LNPEP: variants seen among roughly 807,000 people sequenced by gnomAD.
The protein encoded by LNPEP is leucyl and cystinyl aminopeptidase.
In LNPEP, 64 loss-of-function variants were observed where a neutral mutation model predicts 120.6. The observed-to-expected ratio is 0.53, with a 90% CI of 0.43 to 0.65. LNPEP has a LOEUF of 0.65. LNPEP is among the 30% of genes least tolerant of loss of function. LNPEP has a pLI of 0.00. For missense variants in LNPEP, 1,057 were observed against 1,200.0 expected, an observed-to-expected ratio of 0.88 and a Z score of 1.76; for synonymous variants, 435 against 425.4, an observed-to-expected ratio of 1.02 and a Z score of -0.28.
chr5:97,018,416 T>C (rs1342287911), intron 13 of LNPEP, among the ~76,000 whole-genome samples: 2 of 152,056 alleles, frequency 1.3e-5, no homozygotes, highest in Admixed American at 6.6e-5. Context: ...TGGGCAGATA[T>C]GTGTTTATTA....
At chr5:96,954,199 A>G (rs994052366) in intron 1 of LNPEP, among the ~76,000 whole-genome samples, 3 of 152,224 alleles carry the variant, frequency 2.0e-5, no homozygotes, top group Admixed American at 6.5e-5. Context: ...AATAAGACAT[A>G]TGGTAATCTG....
At chr5:96,951,759 A>T (rs898449714) in intron 1 of LNPEP, among the ~76,000 whole-genome samples, 28 of 148,342 alleles carry the variant, frequency 1.9e-4, no homozygotes, top group Non-Finnish European at 3.9e-4. Flanking sequence ...GTTAAGTTCA[A>T]TTTTTTTTTT....
chr5:96,996,628 AC>A, intron 7 of LNPEP, 125 bp downstream of exon 7: 1 of 603,634 alleles, frequency 1.7e-6, no homozygotes, highest in Non-Finnish European at 3.0e-6. Context: ...GCCAAACTTG[AC>A]TTTGGTTATT....
In LNPEP at chr5:96,993,000, A is replaced by G; in HGVS notation, c.1132-15A>G. On this transcript the variant is annotated splice_polypyrimidine_tract_variant and intron_variant, in intron 4 of 17. Transcript: ENST00000231368. ...TTGTACCTGTCCTTGCATCATACAT[A>G]ATGTTTTCCTTTAGGTTTCTATATA... 3 of 1,563,852 alleles carry G rather than the reference A, an allele frequency of 1.9e-6. No homozygotes were observed. In the South Asian group the frequency reaches 3.6e-5, roughly 19 times the overall value.
At chr5:96,993,756 C>T in intron 5 of LNPEP, 61 bp from the exon 6 acceptor site, 1 of 1,457,798 alleles carries the variant, frequency 6.9e-7, no homozygotes, top group Admixed American at 1.8e-5. Flanking sequence ...GAATAAAATA[C>T]TTTGAGTAGA....
At chr5:96,980,497 AT>A (rs1023894050) in intron 2 of LNPEP, among the ~76,000 whole-genome samples, 26 of 151,860 alleles carry the variant, frequency 1.7e-4, no homozygotes, top group African/African-American at 5.1e-4. Context: ...TCTGGTGTAA[AT>A]TTTTTTTAAG....
intron 1 of LNPEP, among the ~76,000 whole-genome samples, chr5:96,962,993 T>C (rs755643815): frequency 1.4e-4 from 22 of 152,126 alleles, no homozygotes; most frequent in Non-Finnish European, 2.4e-4. Context: ...GAGAAAAAGC[T>C]CACAGCTGCA....
At chr5:97,002,140 A>AAAAT (rs1180935858) in intron 8 of LNPEP, among the ~76,000 whole-genome samples, 22 of 152,070 alleles carry the variant, frequency 1.4e-4, no homozygotes, top group Non-Finnish European at 1.9e-4. Flanking sequence ...ACTTCATCTC[A>AAAAT]AAATAAATAA....
At position 97,008,662 on chromosome 5, in the gene LNPEP, C is replaced by T. The variant is rs1412847678; in HGVS notation, c.2035+2147C>T. Among the ~76,000 whole-genome samples, 396 of 85,424 alleles carry T rather than the reference C, an allele frequency of 4.6e-3. 4 individuals carry two copies. Among genetic ancestry groups the T allele is most frequent in the Middle Eastern group, 0.016 (1 of 62 alleles). The allele number at this position is 85,424 out of a possible 152,430, so 56.0% of individuals were successfully genotyped here. ...CCACCGCACCTGGCTCCTCTTTACT[C>T]TTTTTTTTTTTTTTTTTTTTGAGAC... On this transcript the variant is annotated intron_variant, in intron 11 of 17. Transcript: ENST00000231368.
At chr5:96,948,968 T>C (rs1380987823) in intron 1 of LNPEP, among the ~76,000 whole-genome samples, 11 of 152,236 alleles carry the variant, frequency 7.2e-5, no homozygotes. Context: ...TATCTTAATA[T>C]CTTTAGTTAA....
At chr5:97,013,940 A>G in intron 12 of LNPEP, 109 bp downstream of exon 12, 1 of 742,460 alleles carries the variant, frequency 1.3e-6, no homozygotes, top group Non-Finnish European at 2.1e-6. Context: ...TGGTTGGTAC[A>G]ATACATTTTG....
At chr5:96,993,306 A>G (rs755472269) in intron 5 of LNPEP, among the ~76,000 whole-genome samples, 171 bp downstream of exon 5, 9 of 31,968 alleles carry the variant, frequency 2.8e-4, no homozygotes, top group Non-Finnish European at 4.9e-4. Flanking sequence ...TTTCATGAAT[A>G]TATCTGAAGT....
rs1791525996 is a variant in LNPEP, at chr5:97,034,153, A to G, written c.*5620A>G. 1.3e-5 allele frequency: 2 copies of G among 152,024 alleles called. No homozygotes were observed. The highest frequency in any genetic ancestry group is 2.9e-5 in the Non-Finnish European group (2 of 67,986). 9.4% of individuals were successfully genotyped at this position (152,024 alleles called of 1,614,324 possible). A position where few individuals can be genotyped will look rare whatever the true frequency, so the allele number is the denominator to read the frequency against. On this transcript the variant is annotated 3_prime_UTR_variant, in exon 18 of 18. Transcript: ENST00000231368. ...CTGTAGGCAATAATTATAGAGTAGT[A>G]TAGATGGTTTTTCTTTTTTATCCAT...
chr5:97,006,221 C>T lies in LNPEP; in HGVS notation c.1934C>T (p.Pro645Leu), dbSNP rs1790778421. 3 of 1,602,536 alleles carry T rather than the reference C, an allele frequency of 1.9e-6. No individual in the cohort carries two copies. Among genetic ancestry groups the T allele is most frequent in the Non-Finnish European group, 2.6e-6 (3 of 1,176,074 alleles). Reference sequence around the variant, plus strand: ...TTAAATATGAAGCCTGAAATTCAGCCTTCAGATACAAGGTACATGCCCTCT... The same window carrying T: ...TTAAATATGAAGCCTGAAATTCAGCTTTCAGATACAAGGTACATGCCCTCT... ...FFLNMKPEIQ[P>L]SDTSYLWHIP... Residue 645 changes from proline (P) to leucine (L), a missense_variant, in exon 10 of 18, where the codon CCT becomes CTT. By Grantham distance (98) the Pro-to-Leu change is moderately conservative (BLOSUM62 -3). Coordinates refer to ENST00000231368, the MANE Select transcript of LNPEP (RefSeq NM_005575.3).
At position 96,994,465 on chromosome 5, in the gene LNPEP, A is replaced by AT. The variant is rs11343706; in HGVS notation, c.1407+509dup. ...CTCAAACTGTAGCTGTCAGGGCTGG[A>AT]TTTTTTTTTTTTTTTCATCTCCTGC... On this transcript the variant is annotated intron_variant, in intron 6 of 17. Transcript: ENST00000231368. 2.7e-3 allele frequency among the ~76,000 whole-genome samples: 394 copies of AT among 145,964 alleles called. 1 individual carries two copies. The highest frequency in any genetic ancestry group is 0.016 in the East Asian group (81 of 5,022).
rs764808344 is a variant in LNPEP, at chr5:97,015,090, C to A, written c.2371C>A (p.Leu791Met). The A allele has an allele frequency of 6.4e-7, 1 of 1,556,504 alleles. No homozygotes were observed. Among genetic ancestry groups the A allele is most frequent in the Non-Finnish European group, 8.7e-7 (1 of 1,154,894 alleles). Residue 791 changes from leucine to methionine, a missense_variant, in exon 13 of 18, where the codon CTG becomes ATG. Transcript: ENST00000231368. ...KLGYMDLASR[L>M]VTRVFKLLQN... ...GGGATACATGGATCTGGCCTCAAGA[C>A]TGGTGGTAAGTCTGCCTTTTTGCCA...
chr5:96,949,916 C>G (rs889080176), intron 1 of LNPEP, among the ~76,000 whole-genome samples: 1 of 152,172 alleles, frequency 6.6e-6, no homozygotes, highest in East Asian at 1.9e-4. Context: ...TCCTTCCGTC[C>G]TCCTTCCCTC....
intron 4 of LNPEP, among the ~76,000 whole-genome samples, chr5:96,992,354 C>T (rs941317126): frequency 4.6e-5 from 7 of 152,012 alleles, no homozygotes; most frequent in Admixed American, 1.3e-4. Context: ...TACAACATGA[C>T]CCTTAAAAAC....
rs758559952 is a variant in LNPEP at position 97,036,783 on chromosome 5, T to C, written c.*8250T>C. 6.6e-6 allele frequency: 1 copy of C among 152,152 alleles called. No individual in the cohort carries two copies. Among genetic ancestry groups the C allele is most frequent in the Non-Finnish European group, 1.5e-5 (1 of 68,002 alleles). 9.4% of individuals were successfully genotyped at this position (152,152 alleles called of 1,614,324 possible). A position where few individuals can be genotyped will look rare whatever the true frequency, so the allele number is the denominator to read the frequency against. On this transcript the variant is annotated 3_prime_UTR_variant, in exon 18 of 18. Coordinates refer to ENST00000231368, the MANE Select transcript of LNPEP (RefSeq NM_005575.3). ...CTCTCAGATTCTAGTGTTGAAAAAG[T>C]AGCCTATACTTTGCTATTACTTATA...
Sources: gnomAD v4.1 joint callset for allele counts (sites outside exome capture counted in the v4.1 genomes callset) on GRCh38, gnomAD v4.1.1 for gene constraint, MANE v1.5 for transcripts, NCBI Gene and HGNC (gene_info 2026-07-23, HGNC 2026-07-21) for gene names.